The following PCDH15 variants were observed in gnomAD, a reference collection of about 807,000 sequenced individuals.
PCDH15 encodes the protein protocadherin related 15, also known as protocadherin-15.
PCDH15 carries 129 observed loss-of-function variants against 178.5 expected under a neutral mutation model. That is an observed-to-expected ratio of 0.72 (90% confidence interval 0.63 to 0.84). PCDH15 has a LOEUF of 0.84. PCDH15 is among the 40% of genes least tolerant of loss of function. The probability of loss-of-function intolerance (pLI) is 0.00; values close to 1 mark genes in which losing one functional copy is unlikely to be tolerated. For missense variants in PCDH15, 2,230 were observed against 2,099.9 expected (o/e 1.06, Z -1.21); for synonymous variants, 800 against 732.0 (o/e 1.09, Z -1.50).
chr10:55,020,838 C>G (rs1350431650), intron 2 of PCDH15, among the ~76,000 whole-genome samples: 3 of 152,086 alleles, frequency 2.0e-5, no homozygotes, highest in Admixed American at 1.3e-4. Context: ...TTCACAGGTG[C>G]ATAGGACAGA....
At chr10:54,637,546 C>T (rs2093886510) in intron 2 of PCDH15, among the ~76,000 whole-genome samples, 1 of 152,004 alleles carries the variant, frequency 6.6e-6, no homozygotes, top group South Asian at 2.1e-4. Flanking sequence ...GCACTTATTC[C>T]ATAGTCACAT....
At chr10:55,031,669 A>G (rs945541744) in intron 2 of PCDH15, among the ~76,000 whole-genome samples, 3 of 152,198 alleles carry the variant, frequency 2.0e-5, no homozygotes, top group African/African-American at 7.2e-5. Flanking sequence ...TGATTGGGCC[A>G]TAAGGCCCAA....
chr10:54,377,912 G>A (rs7922308), intron 4 of PCDH15, among the ~76,000 whole-genome samples: 1 of 151,854 alleles, frequency 6.6e-6, no homozygotes, highest in South Asian at 2.1e-4. Flanking sequence ...ATCCAACTAC[G>A]TTGGTAATTT....
chr10:54,021,138 A>G (rs2092908835), intron 19 of PCDH15, among the ~76,000 whole-genome samples: 1 of 152,084 alleles, frequency 6.6e-6, no homozygotes, highest in East Asian at 1.9e-4. Flanking sequence ...GCTATCTAAA[A>G]GATGTTCTAA....
chr10:55,277,636 T>C (rs900186639), intron 1 of PCDH15, among the ~76,000 whole-genome samples: 1 of 152,102 alleles, frequency 6.6e-6, no homozygotes, highest in African/African-American at 2.4e-5. Context: ...CTAAGTTTGT[T>C]GTTGTTATTA....
intron 2 of PCDH15, among the ~76,000 whole-genome samples, chr10:55,121,871 T>C (rs1837781526): frequency 6.6e-6 from 1 of 151,808 alleles, no homozygotes; most frequent in Non-Finnish European, 1.5e-5. Context: ...AATCTTCCAG[T>C]GCTTTGATCT....
At chr10:55,022,207 C>G (rs991917641) in intron 2 of PCDH15, among the ~76,000 whole-genome samples, 2 of 152,046 alleles carry the variant, frequency 1.3e-5, no homozygotes, top group African/African-American at 4.8e-5. Flanking sequence ...AATCCCAACA[C>G]TTTGGAAGGC....
intron 2 of PCDH15, among the ~76,000 whole-genome samples, chr10:55,601,874 C>T (rs1246561152): frequency 6.6e-6 from 1 of 151,930 alleles, no homozygotes; most frequent in South Asian, 2.1e-4. Context: ...TACACACACA[C>T]GGGGGGAGGA....
chr10:55,122,421 G>C (rs534892460), intron 2 of PCDH15, among the ~76,000 whole-genome samples: 1 of 152,102 alleles, frequency 6.6e-6, no homozygotes, highest in Non-Finnish European at 1.5e-5. Context: ...ATTTTTGACA[G>C]TAATAAAATA....
intron 3 of PCDH15, among the ~76,000 whole-genome samples, chr10:54,853,380 CATACATACATATATAT>C (rs1953675567): frequency 9.6e-6 from 1 of 104,684 alleles, no homozygotes; most frequent in African/African-American, 4.0e-5. Flanking sequence ...TATATATACA[CATACATACATATATAT>C]ACACACACAT....
intron 9 of PCDH15, among the ~76,000 whole-genome samples, chr10:54,226,279 A>G (rs181075960): frequency 2.5e-4 from 38 of 152,170 alleles, no homozygotes; most frequent in African/African-American, 8.7e-4. Flanking sequence ...CTGCAGGGGA[A>G]CTCTGCTTTT....
intron 32 of PCDH15, chr10:53,822,062 GTT>G: frequency 6.2e-7 from 1 of 1,614,058 alleles, no homozygotes; most frequent in Non-Finnish European, 8.5e-7. Flanking sequence ...GTTCTGCTAA[GTT>G]TTTAACGTGT....
At chr10:54,848,116 T>C (rs767440537) in intron 3 of PCDH15, among the ~76,000 whole-genome samples, 1 of 152,124 alleles carries the variant, frequency 6.6e-6, no homozygotes, top group African/African-American at 2.4e-5. Flanking sequence ...CATTGGCTCA[T>C]GCCTGTAATC....
chr10:54,692,691 A>ATAACTCCAAACATTCCTGATTGAG (rs2095144743), intron 1 of PCDH15, among the ~76,000 whole-genome samples: 1 of 147,266 alleles, frequency 6.8e-6, no homozygotes, highest in Non-Finnish European at 1.5e-5. Flanking sequence ...TTAAAAGCGA[A>ATAACTCCAAACATTCCTGATTGAG]TAACTCCAAA....
chr10:54,259,125 A>G (rs949007765), intron 8 of PCDH15, among the ~76,000 whole-genome samples: 1 of 152,228 alleles, frequency 6.6e-6, no homozygotes, highest in African/African-American at 2.4e-5. Flanking sequence ...CTTGATCATA[A>G]TAGAATGCTG....
intron 3 of PCDH15, among the ~76,000 whole-genome samples, chr10:54,422,145 G>C (rs993222489): frequency 4.0e-5 from 6 of 151,590 alleles, no homozygotes; most frequent in African/African-American, 1.5e-4. Context: ...CATTTTCTTA[G>C]AGTTGCAAGA....
intron 3 of PCDH15, among the ~76,000 whole-genome samples, chr10:54,439,588 C>T (rs2075665598): frequency 6.6e-6 from 1 of 151,784 alleles, no homozygotes; most frequent in African/African-American, 2.4e-5. Context: ...CATTTGGAAG[C>T]AGTGGGGAAA....
At chr10:54,562,643 A>G (rs1009752425) in intron 2 of PCDH15, among the ~76,000 whole-genome samples, 2 of 152,144 alleles carry the variant, frequency 1.3e-5, no homozygotes, top group African/African-American at 4.8e-5. Flanking sequence ...CATGTAACAT[A>G]TACAAGTATA....
intron 18 of PCDH15, among the ~76,000 whole-genome samples, chr10:54,049,185 G>A (rs1238343820): frequency 6.6e-6 from 1 of 152,002 alleles, no homozygotes; most frequent in Non-Finnish European, 1.5e-5. Flanking sequence ...TGTTATTTGT[G>A]CATAAAAATG....
Sources: allele counts gnomAD v4.1 joint callset (sites outside exome capture counted in the v4.1 genomes callset), GRCh38; gene constraint gnomAD v4.1.1; transcripts MANE v1.5; gene names NCBI Gene and HGNC (gene_info 2026-07-23, HGNC 2026-07-21).